The following KMT2C variants were observed in gnomAD, a reference collection of about 807,000 sequenced individuals.
KMT2C encodes the protein lysine methyltransferase 2C, also known as histone-lysine N-methyltransferase 2C.
Under a neutral mutation model 507.9 loss-of-function variants are expected in KMT2C, and 88 were observed. That is an observed-to-expected ratio of 0.17 (90% CI 0.15 to 0.21). The LOEUF (loss-of-function observed/expected upper bound fraction) is 0.21, where lower values mean the gene tolerates loss of function less well. Ranked by LOEUF, KMT2C falls within the 10% of genes least tolerant of loss-of-function variation. The pLI is 1.00. For missense variants in KMT2C, 4,954 were observed against 5,957.8 expected, an observed-to-expected ratio of 0.83 and a Z score of 5.55; for synonymous variants, 2,049 against 2,080.8, an observed-to-expected ratio of 0.98 and a Z score of 0.42.
At position 152,147,510 on chromosome 7, in the gene KMT2C, CCTAAAATA is replaced by C. The variant is rs147185140; in HGVS notation, c.13894+515_13894+522del. Among the ~76,000 whole-genome samples the C allele has an allele frequency of 3.4e-3, 519 of 151,610 alleles. 6 individuals carry two copies. In the East Asian group the frequency reaches 0.038, roughly 11 times the overall value. ...CCCAGCCTGGCCAACATGCTGAAAC[CCTAAAATA>C]CTAAAAATACAAAATTAAAAACTAC... is the stretch of plus-strand genomic sequence containing the variant. On this transcript the variant is annotated intron_variant, in intron 52 of 58. Coordinates refer to ENST00000262189, the MANE Select transcript of KMT2C (RefSeq NM_170606.3).
intron 46 of KMT2C, chr7:152,155,106 C>G (rs1037383664): frequency 1.3e-5 from 2 of 152,142 alleles, no homozygotes; most frequent in African/African-American, 4.8e-5. Context: ...GTTCCACAAC[C>G]CTGTGGAACT....
chr7:152,200,514 G>A (rs150632462), intron 26 of KMT2C, among the ~76,000 whole-genome samples: 9 of 152,118 alleles, frequency 5.9e-5, no homozygotes, highest in African/African-American at 2.2e-4. Context: ...GGTTCACTTA[G>A]GCCCAGGAGT....
Position 152,290,285 on chromosome 7 carries a change from TATATATATA to T in KMT2C, c.850-16427_850-16419del, listed in dbSNP as rs1487811115. On this transcript the variant is annotated intron_variant, in intron 6 of 58. Coordinates refer to ENST00000262189, the MANE Select transcript of KMT2C (RefSeq NM_170606.3). ...ATATATATATATATATATATATATATATATATATATTTTTTTTTTTTTTTTTTTTTTTTT... is the reference window on the plus strand; with the variant it reads ...ATATATATATATATATATATATATATTTTTTTTTTTTTTTTTTTTTTTTTT... Among the ~76,000 whole-genome samples, 90 of 38,800 alleles carry T rather than the reference TATATATATA, an allele frequency of 2.3e-3. 1 individual carries two copies. The highest frequency in any genetic ancestry group is 6.9e-3 in the African/African-American group (51 of 7,442). 25.5% of individuals were successfully genotyped at this position (38,800 alleles called of 152,430 possible). A position where few individuals can be genotyped will look rare whatever the true frequency, so the allele number is the denominator to read the frequency against.
intron 23 of KMT2C, among the ~76,000 whole-genome samples, chr7:152,217,121 C>T (rs575163494): frequency 2.0e-5 from 3 of 152,226 alleles, no homozygotes; most frequent in South Asian, 2.1e-4. Flanking sequence ...TATCAAAACA[C>T]GTTAGTGAAA....
intron 2 of KMT2C, among the ~76,000 whole-genome samples, chr7:152,346,757 G>A (rs1054846616): frequency 2.0e-5 from 3 of 152,138 alleles, no homozygotes; most frequent in African/African-American, 7.2e-5. Context: ...ATAAACAGTA[G>A]ATTAACAAAT....
chr7:152,424,042 G>C (rs2097795116), intron 1 of KMT2C, among the ~76,000 whole-genome samples: 1 of 152,116 alleles, frequency 6.6e-6, no homozygotes, highest in South Asian at 2.1e-4. Flanking sequence ...TAAGGTTAAG[G>C]AGAAACTTCA....
intron 1 of KMT2C, among the ~76,000 whole-genome samples, chr7:152,401,673 A>G (rs2097574862): frequency 6.6e-6 from 1 of 152,304 alleles, no homozygotes; most frequent in South Asian, 2.1e-4. Flanking sequence ...CCTGGGCAAC[A>G]GAGCAAGACT....
chr7:152,409,336 C>G (rs979162382), intron 1 of KMT2C, among the ~76,000 whole-genome samples: 7 of 151,846 alleles, frequency 4.6e-5, no homozygotes, highest in African/African-American at 1.7e-4. Context: ...AACATATTTG[C>G]TACGTAATAG....
chr7:152,309,507 C>CA (rs1328829866), intron 6 of KMT2C, among the ~76,000 whole-genome samples: 1 of 87,970 alleles, frequency 1.1e-5, no homozygotes, highest in Non-Finnish European at 2.1e-5. Flanking sequence ...CATAAAATAA[C>CA]TTTTTTTTTT....
chr7:152,416,095 A>G (rs2097732760), intron 1 of KMT2C, among the ~76,000 whole-genome samples: 1 of 152,168 alleles, frequency 6.6e-6, no homozygotes, highest in Non-Finnish European at 1.5e-5. Flanking sequence ...TTTAATAAAA[A>G]TAAGAGATCA....
At chr7:152,201,601 AAAC>A (rs764851674) in intron 26 of KMT2C, among the ~76,000 whole-genome samples, 1 of 149,442 alleles carries the variant, frequency 6.7e-6, no homozygotes, top group Non-Finnish European at 1.5e-5. Context: ...TCCCAGGAGA[AAAC>A]AACAACAAAG....
At position 152,162,925 on chromosome 7, in the gene KMT2C, G is replaced by A. The variant is rs1587823450; in HGVS notation, c.10652C>T (p.Pro3551Leu). Residue 3551 changes from proline (P) to leucine (L), a missense_variant, in exon 43 of 59, where the codon CCT becomes CTT. This residue lies in a region of KMT2C where 801 missense variants were observed against 751.2 expected (regional missense o/e 1.07). Transcript: ENST00000262189. The part of the protein sequence containing the change: ...GTSFQQSPVR[P>L]SFTPALPAAP... ...TGCTGGTAAAGCAGGTGTAAAAGAA[G>A]GCCTCACTGGGGACTGCTGGAAGCT... 3.7e-6 allele frequency: 6 copies of A among 1,614,036 alleles called. No homozygotes were observed. The highest frequency in any genetic ancestry group is 5.1e-6 in the Non-Finnish European group (6 of 1,180,042).
intron 8 of KMT2C, among the ~76,000 whole-genome samples, chr7:152,263,649 C>G (rs112175710): frequency 1.3e-5 from 2 of 151,988 alleles, no homozygotes; most frequent in African/African-American, 4.8e-5. Context: ...AAGATTACTG[C>G]GAGAATTAAA....
At chr7:152,328,331 C>T (rs926391955) in intron 3 of KMT2C, among the ~76,000 whole-genome samples, 1 of 152,150 alleles carries the variant, frequency 6.6e-6, no homozygotes, top group African/African-American at 2.4e-5. Flanking sequence ...TGAGACTAAG[C>T]TGGATGTGGC....
chr7:152,194,449 C>A lies in KMT2C; in HGVS notation c.4498G>T (p.Val1500Phe), dbSNP rs2129129590. Residue 1500 changes from valine (V) to phenylalanine (F), a missense_variant, in exon 29 of 59, where the codon GTC becomes TTC. Transcript: ENST00000262189. ...AGGGCAAATATTTTACCATCTGTGA[C>A]CATTTTGTCTAGTTCAGGACTGAGG... The part of the protein sequence containing the change: ...GILSPELDKM[V>F]TDGAILGKLY... The A allele has an allele frequency of 6.2e-7, 1 of 1,613,288 alleles. No individual in the cohort carries two copies. The highest frequency in any genetic ancestry group is 8.5e-7 in the Non-Finnish European group (1 of 1,179,494).
chr7:152,192,138 A>C (rs1474646356), intron 31 of KMT2C, among the ~76,000 whole-genome samples: 2 of 152,240 alleles, frequency 1.3e-5, no homozygotes, highest in African/African-American at 4.8e-5. Context: ...GTTTTTTATA[A>C]AGAAATACAT....
At chr7:152,272,993 C>T (rs1194522191) in intron 7 of KMT2C, among the ~76,000 whole-genome samples, 2 of 151,732 alleles carry the variant, frequency 1.3e-5, no homozygotes, top group African/African-American at 4.8e-5. Context: ...ATTCAATAGA[C>T]TAGGAGAAAA....
rs1281566468 is a variant in KMT2C at position 152,358,687 on chromosome 7, A to C, written c.162-12T>G. On this transcript the variant is annotated splice_polypyrimidine_tract_variant and intron_variant, in intron 1 of 58. Transcript: ENST00000262189. ...CCCTACTTCGAGGTCTACAGAAAAA[A>C]AAAAAAATAATAAGTACATAGAGTT... 1.3e-6 allele frequency: 2 copies of C among 1,539,276 alleles called. No homozygotes were observed. Among genetic ancestry groups the C allele is most frequent in the Non-Finnish European group, 1.8e-6 (2 of 1,123,294 alleles).
At chr7:152,275,711 T>C (rs2096068822) in intron 6 of KMT2C, among the ~76,000 whole-genome samples, 1 of 152,122 alleles carries the variant, frequency 6.6e-6, no homozygotes, top group Non-Finnish European at 1.5e-5. Flanking sequence ...TAACTACAAA[T>C]ACAACACCTC....
Sources: allele counts gnomAD v4.1 joint callset (sites outside exome capture counted in the v4.1 genomes callset), GRCh38; gene constraint gnomAD v4.1.1; regional missense constraint gnomAD v4.1.1; transcripts MANE v1.5; gene names NCBI Gene and HGNC (gene_info 2026-07-23, HGNC 2026-07-21).